The following MICA variants were observed in gnomAD, a reference collection of about 807,000 sequenced individuals.
MICA encodes the protein HLA class I antigen.
Under a neutral mutation model 34.3 loss-of-function variants are expected in MICA, and 18 were observed. The observed-to-expected ratio is 0.52, with a 90% CI of 0.36 to 0.78. The LOEUF (loss-of-function observed/expected upper bound fraction) is 0.78. MICA is among the 30% of genes least tolerant of loss of function. The probability of loss-of-function intolerance (pLI) is 0.00; values close to 1 mark genes in which losing one functional copy is unlikely to be tolerated. For synonymous variants in MICA, 135 were observed against 156.9 expected (o/e 0.86, Z 1.04); for missense variants, 333 against 409.4 (o/e 0.81, Z 1.61).
upstream of MICA, among the ~76,000 whole-genome samples, chr6:31,401,158 G>T (rs1450881808): frequency 2.0e-5 from 3 of 146,672 alleles, no homozygotes; most frequent in Non-Finnish European, 4.4e-5. Context: ...CTTGGGACCT[G>T]TGTCAGGAGA....
At chr6:31,408,326 G>A (rs770359726) in intron 1 of MICA, among the ~76,000 whole-genome samples, 33 of 151,908 alleles carry the variant, frequency 2.2e-4, no homozygotes, top group South Asian at 4.1e-4. Flanking sequence ...ATGTGTCTTT[G>A]CCTGGTTTTT....
chr6:31,402,018 A>G (rs543306829), upstream of MICA: 14 of 152,054 alleles, frequency 9.2e-5, no homozygotes, highest in Admixed American at 8.5e-4. Context: ...GAGAATTCAT[A>G]TGCCACACAA....
Position 31,410,680 on chromosome 6 carries a change from G to A in MICA, c.208G>A (p.Gly70Arg), listed in dbSNP as rs1199567139. 6.8e-6 allele frequency: 11 copies of A among 1,613,508 alleles called. No homozygotes were observed. In the South Asian group the frequency reaches 8.8e-5, roughly 13 times the overall value. Residue 70 changes from glycine (G) to arginine (R), a missense_variant, in exon 2 of 6, where the codon GGA becomes AGA. Transcript: ENST00000449934. ...GCAGAAATGCAGGGCAAAGCCCCAG[G>A]GACAGTGGGCAGAAGATGTCCTGGG... ...DRQKCRAKPQ[G>R]QWAEDVLGNK...
intron 1 of MICA, among the ~76,000 whole-genome samples, chr6:31,405,734 G>A (rs1476842986): frequency 6.6e-6 from 1 of 151,618 alleles, no homozygotes; most frequent in African/African-American, 2.4e-5. Flanking sequence ...CTCAGCCTCT[G>A]GTAATCATCA....
intron 1 of MICA, among the ~76,000 whole-genome samples, chr6:31,404,729 G>A (rs1770657616): frequency 6.6e-6 from 1 of 151,930 alleles, no homozygotes; most frequent in African/African-American, 2.4e-5. Flanking sequence ...GCTAATGGCA[G>A]TTGGGCCTTA....
chr6:31,407,308 C>G (rs1375416121), intron 1 of MICA, among the ~76,000 whole-genome samples: 2 of 151,924 alleles, frequency 1.3e-5, no homozygotes, highest in Non-Finnish European at 2.9e-5. Flanking sequence ...GTGATCTTGG[C>G]TCACCGCAAC....
chr6:31,409,522 C>T (rs1362677011), intron 1 of MICA, among the ~76,000 whole-genome samples: 1 of 151,758 alleles, frequency 6.6e-6, no homozygotes, highest in Non-Finnish European at 1.5e-5. Context: ...CTTCTCTTAT[C>T]AGATATATGA....
chr6:31,415,061 C>A lies in MICA; in HGVS notation c.*79C>A. The A allele has an allele frequency of 7.1e-7, 1 of 1,400,654 alleles. No individual in the cohort carries two copies. Among genetic ancestry groups the A allele is most frequent in the Non-Finnish European group, 1.0e-6 (1 of 996,880 alleles). The allele number at this position is 1,400,654 out of a possible 1,614,324, so 86.8% of individuals were successfully genotyped here. A position where few individuals can be genotyped will look rare whatever the true frequency, so the allele number is the denominator to read the frequency against. On this transcript the variant is annotated 3_prime_UTR_variant, in exon 6 of 6. Transcript: ENST00000449934. Reference sequence around the variant, plus strand: ...ATCAACACCCAGTTGGGACGAGTGACCACAGGGATGCCACACAGCTCGGAT... The same window carrying A: ...ATCAACACCCAGTTGGGACGAGTGAACACAGGGATGCCACACAGCTCGGAT...
intron 1 of MICA, among the ~76,000 whole-genome samples, 195 bp from the exon 2 acceptor site, chr6:31,410,348 C>G (rs149888255): frequency 4.7e-4 from 72 of 151,862 alleles, no homozygotes; most frequent in African/African-American, 1.7e-3. Flanking sequence ...TTCATTCCCC[C>G]TTCTTCTGTT....
At chr6:31,414,801 C>T (rs1307070526) in intron 5 of MICA, among the ~76,000 whole-genome samples, 3 of 151,712 alleles carry the variant, frequency 2.0e-5, no homozygotes, top group Admixed American at 2.0e-4. Flanking sequence ...GTGGTGGGCA[C>T]AGGGCACGGG....
At position 31,405,193 on chromosome 6, in the gene MICA, A is replaced by G. The variant is rs1468987023; in HGVS notation, c.70+1491A>G. Among the ~76,000 whole-genome samples, 451 of 150,386 alleles carry G rather than the reference A, an allele frequency of 3.0e-3. 4 individuals carry two copies. The highest frequency in any genetic ancestry group is 9.1e-3 in the African/African-American group (368 of 40,350). ...AGACCTAAAACAGGCTGTTGGGCCA[A>G]CTGTTCCTTGACCTTCCTTCTTTTC... On this transcript the variant is annotated intron_variant, in intron 1 of 5. Transcript: ENST00000449934.
intron 5 of MICA, among the ~76,000 whole-genome samples, chr6:31,413,834 C>T (rs62395263): frequency 0.085 from 12,873 of 151,938 alleles, 851 homozygotes; most frequent in East Asian, 0.28. Flanking sequence ...GAGTTTTGGC[C>T]AGGAAAAGAG....
chr6:31,405,571 T>C (rs907842330), intron 1 of MICA, among the ~76,000 whole-genome samples: 1 of 151,722 alleles, frequency 6.6e-6, no homozygotes, highest in Non-Finnish European at 1.5e-5. Context: ...CTACAAACAA[T>C]CCCATTATGC....
rs1051798 is a variant in MICA, at chr6:31,412,030, C to T, written c.697C>T (p.Arg233Trp). The T allele has an allele frequency of 0.29, 467,494 of 1,602,994 alleles. 73,749 individuals are homozygous for T. The highest frequency in any genetic ancestry group is 0.45 in the African/African-American group (33,526 of 74,416). Residue 233 changes from arginine to tryptophan, a missense_variant, in exon 4 of 6, where the codon CGG (arginine) becomes TGG (tryptophan). Transcript: ENST00000449934. ...ATGCAGGGCTTCCAGCTTCTATCCC[C>T]GGAATATCATACTGACCTGGCGTCA... ...VTCRASSFYP[R>W]NIILTWRQDG... is the part of the protein sequence containing the mutation.
intron 2 of MICA, 120 bp downstream of exon 2, chr6:31,410,917 G>T (rs2113753917): frequency 6.8e-7 from 1 of 1,470,994 alleles, no homozygotes; most frequent in Non-Finnish European, 9.0e-7. Context: ...AGGAATGGGG[G>T]TCAGTGGAAC....
At chr6:31,410,312 T>G (rs17200095) in intron 1 of MICA, among the ~76,000 whole-genome samples, 6,278 of 150,340 alleles carry the variant, frequency 0.042, 175 homozygotes, top group African/African-American at 0.06. Flanking sequence ...ACCCAGTCCT[T>G]GCACCTGGCC....
rs1250907016 is a variant in MICA, at chr6:31,412,220, C to T, written c.887C>T (p.Pro296Leu). 7 of 1,609,068 alleles carry T rather than the reference C, an allele frequency of 4.4e-6. No individual in the cohort carries two copies. Among genetic ancestry groups the T allele is most frequent in the East Asian group, 2.2e-5 (1 of 44,784 alleles). ...HSGNHSTHPV[P>L]SGKVLVLQSH... ...GGGAATCACAGCACTCACCCTGTGC[C>T]CTCTGGTGAGCCTAGGGTGACCCTG... Residue 296 changes from proline (P) to leucine (L), a missense_variant, in exon 4 of 6, where the codon CCC becomes CTC. By Grantham distance (98) the Pro-to-Leu change is moderately conservative. Transcript: ENST00000449934.
Position 31,409,081 on chromosome 6 carries a change from A to C in MICA, c.71-1462A>C, listed in dbSNP as rs115493428. Among the ~76,000 whole-genome samples, 631 of 151,954 alleles carry C rather than the reference A, an allele frequency of 4.2e-3. 13 individuals are homozygous for C. In the East Asian group the frequency reaches 0.051, roughly 12 times the overall value. On this transcript the variant is annotated intron_variant, in intron 1 of 5. Transcript: ENST00000449934. ...AAGTTGTAGTATGGGTCAGAATTTC[A>C]TTCCTTTTAAGGATGGATAATACTC...
chr6:31,406,746 G>T (rs1770770139), intron 1 of MICA, among the ~76,000 whole-genome samples: 1 of 151,892 alleles, frequency 6.6e-6, no homozygotes, highest in Admixed American at 6.6e-5. Context: ...GTGAAAGACA[G>T]GGTCTAGTTT....
Sources: gnomAD v4.1 joint callset for allele counts (sites outside exome capture counted in the v4.1 genomes callset) on GRCh38, gnomAD v4.1.1 for gene constraint, MANE v1.5 for transcripts, NCBI Gene and HGNC (gene_info 2026-07-23, HGNC 2026-07-21) for gene names.